Variants in APP observed in about 807,000 individuals in gnomAD.
APP encodes amyloid beta precursor protein, also known as amyloid-beta precursor protein.
APP carries 31 observed loss-of-function variants against 101.4 expected under a neutral mutation model. That is an observed-to-expected ratio of 0.31 (90% CI 0.23 to 0.41). The LOEUF (loss-of-function observed/expected upper bound fraction) is 0.41. Ranked by LOEUF, APP falls within the 10% of genes least tolerant of loss-of-function variation. The pLI is 1.00. For synonymous variants in APP, 366 were observed against 364.4 expected, an observed-to-expected ratio of 1.00 and a Z score of -0.05; for missense variants, 839 against 1,003.7, an observed-to-expected ratio of 0.84 and a Z score of 2.22.
Position 26,111,972 on chromosome 21 carries a change from G to C in APP, c.225+7C>G. On this transcript the variant is annotated splice_region_variant and intron_variant, in intron 2 of 17. Transcript: ENST00000346798. Reference sequence around the variant, plus strand: ...ACGTGAATTGCTAGCCACCGGACAGGACTTACTTCTTGGCAATACTGCAGG... The same window carrying C: ...ACGTGAATTGCTAGCCACCGGACAGCACTTACTTCTTGGCAATACTGCAGG... The C allele has an allele frequency of 6.2e-7, 1 of 1,613,982 alleles. No individual in the cohort carries two copies. Among genetic ancestry groups the C allele is most frequent in the Non-Finnish European group, 8.5e-7 (1 of 1,179,946 alleles).
intron 17 of APP, among the ~76,000 whole-genome samples, chr21:25,890,875 A>T (rs990803128): frequency 2.0e-5 from 3 of 152,158 alleles, no homozygotes; most frequent in Admixed American, 6.5e-5. Context: ...TAAATCTTTC[A>T]GCTCTAAAAA....
rs150663715 is a variant in APP at position 26,091,326 on chromosome 21, A to T, written c.226-1254T>A. On this transcript the variant is annotated intron_variant, in intron 2 of 17. Coordinates refer to ENST00000346798, the MANE Select transcript of APP (RefSeq NM_000484.4). ...AGGGGCTAAAGAATGTATGGCGCAC[A>T]GGACTGGAGAAAGTGAGGTGGTAAT... Among the ~76,000 whole-genome samples, 320 of 152,330 alleles carry T rather than the reference A, an allele frequency of 2.1e-3. 3 individuals carry two copies. The highest frequency in any genetic ancestry group is 7.4e-3 in the African/African-American group (309 of 41,576).
chr21:25,997,701 C>T (rs1330892247), intron 7 of APP, among the ~76,000 whole-genome samples: 4 of 152,116 alleles, frequency 2.6e-5, no homozygotes, highest in Non-Finnish European at 4.4e-5. Flanking sequence ...CAAATATCCC[C>T]AATTCCCTTC....
chr21:26,125,680 G>A lies in APP; in HGVS notation c.58-13534C>T, dbSNP rs144200757. Among the ~76,000 whole-genome samples, 38 of 151,982 alleles carry A rather than the reference G, an allele frequency of 2.5e-4. No individual in the cohort carries two copies. The East Asian group carries it at 6.6e-3, about 26-fold the overall frequency. On this transcript the variant is annotated intron_variant, in intron 1 of 17. Coordinates refer to ENST00000346798, the MANE Select transcript of APP (RefSeq NM_000484.4). ...AATGTGAGTTTGTCCTGACGGGGGT[G>A]GGGGAGAAAAAGAAGGAAAACAATC...
At chr21:26,005,904 T>A (rs1366921128) in intron 6 of APP, among the ~76,000 whole-genome samples, 1 of 152,166 alleles carries the variant, frequency 6.6e-6, no homozygotes, top group Non-Finnish European at 1.5e-5. Flanking sequence ...CCTGTGAAAA[T>A]TAAAACCGTA....
intron 11 of APP, among the ~76,000 whole-genome samples, chr21:25,972,805 ATGT>A (rs1029188585): frequency 6.6e-6 from 1 of 151,522 alleles, no homozygotes; most frequent in Admixed American, 6.7e-5. Context: ...ATGGGTAAAC[ATGT>A]TGTTTTTTTT....
At chr21:26,134,398 T>G (rs1330923736) in intron 1 of APP, among the ~76,000 whole-genome samples, 1 of 152,158 alleles carries the variant, frequency 6.6e-6, no homozygotes, top group East Asian at 1.9e-4. Flanking sequence ...GACCCCTTAC[T>G]TCGTTTTGAT....
At chr21:26,043,870 A>AAT (rs10682139) in intron 5 of APP, among the ~76,000 whole-genome samples, 152,275 of 152,278 alleles carry the variant, frequency 1, 76,136 homozygotes, top group Middle Eastern at 1. Flanking sequence ...AGAAAAAGAA[A>AAT]TTTAATCGAC....
At chr21:25,975,677 G>A (rs1334530389) in intron 10 of APP, among the ~76,000 whole-genome samples, 1 of 152,200 alleles carries the variant, frequency 6.6e-6, no homozygotes, top group Non-Finnish European at 1.5e-5. Context: ...AGCAGCAGAA[G>A]ATTGTGGTGA....
In APP at chr21:26,021,829, T is replaced by A; in HGVS notation, c.865+11A>T. 3 of 1,612,318 alleles carry A rather than the reference T, an allele frequency of 1.9e-6. No individual in the cohort carries two copies. The highest frequency in any genetic ancestry group is 1.7e-4 in the Middle Eastern group (1 of 6,034). ...TGGGGGTGGGGGGAATCCAAGCAAATGGTGGATTACCTCGAACCACCTCTT... is the reference window on the plus strand; with the variant it reads ...TGGGGGTGGGGGGAATCCAAGCAAAAGGTGGATTACCTCGAACCACCTCTT... On this transcript the variant is annotated intron_variant, in intron 6 of 17. Coordinates refer to ENST00000346798, the MANE Select transcript of APP (RefSeq NM_000484.4).
chr21:25,961,507 A>C (rs990947212), intron 11 of APP, among the ~76,000 whole-genome samples: 2 of 152,152 alleles, frequency 1.3e-5, no homozygotes, highest in African/African-American at 4.8e-5. Flanking sequence ...CCTCCTTTTG[A>C]TATATGATTC....
intron 2 of APP, among the ~76,000 whole-genome samples, chr21:26,092,480 G>A (rs2061845335): frequency 6.6e-6 from 1 of 152,140 alleles, no homozygotes; most frequent in African/African-American, 2.4e-5. Flanking sequence ...CAGAACTATG[G>A]AGACTAAAAA....
chr21:25,904,555 C>T (rs940324554), intron 15 of APP, among the ~76,000 whole-genome samples: 9 of 152,178 alleles, frequency 5.9e-5, no homozygotes, highest in African/African-American at 2.2e-4. Context: ...ATCATGTCTA[C>T]TTCAGTAACT....
In APP at chr21:25,955,665, T is replaced by G. The variant is rs1257288749; in HGVS notation, c.1549A>C (p.Met517Leu). 5.0e-6 allele frequency: 8 copies of G among 1,614,220 alleles called. No homozygotes were observed. The highest frequency in any genetic ancestry group is 1.1e-5 in the South Asian group (1 of 91,086). Residue 517 changes from methionine (M) to leucine (L), a missense_variant, in exon 12 of 18, where the codon ATG becomes CTG. Transcript: ENST00000346798. ...HTLKHFEHVR[M>L]VDPKKAAQIR... ...TGAGCGGCTTTCTTGGGATCCACCATGCGCACATGCTCGAAATGCTTTAGG... is the reference window on the plus strand; with the variant it reads ...TGAGCGGCTTTCTTGGGATCCACCAGGCGCACATGCTCGAAATGCTTTAGG...
At chr21:26,087,303 A>G (rs530505875) in intron 3 of APP, among the ~76,000 whole-genome samples, 15 of 152,366 alleles carry the variant, frequency 9.8e-5, no homozygotes, top group Non-Finnish European at 2.2e-4. Flanking sequence ...TTCAGGTCCA[A>G]TGGAAAAGGA....
At chr21:26,048,663 G>C (rs1214138914) in intron 5 of APP, among the ~76,000 whole-genome samples, 1 of 152,112 alleles carries the variant, frequency 6.6e-6, no homozygotes, top group African/African-American at 2.4e-5. Flanking sequence ...GATTCTAACA[G>C]ATAAAAAGAG....
chr21:26,133,267 TC>T (rs2062831095), intron 1 of APP, among the ~76,000 whole-genome samples: 1 of 152,156 alleles, frequency 6.6e-6, no homozygotes, highest in Non-Finnish European at 1.5e-5. Flanking sequence ...ATCTGACAGT[TC>T]CTGAGTAATC....
chr21:26,053,634 C>T (rs1053093630), intron 3 of APP: 34 of 326,094 alleles, frequency 1.0e-4, no homozygotes, highest in African/African-American at 7.0e-4. Context: ...CCTAAAAAAG[C>T]TGCTTAACTA....
chr21:26,004,917 C>T (rs1214089530), intron 6 of APP, among the ~76,000 whole-genome samples: 2 of 150,372 alleles, frequency 1.3e-5, no homozygotes, highest in Non-Finnish European at 2.9e-5. Context: ...GTTTTCTGTC[C>T]TTGTGATAGT....
Sources: gnomAD v4.1 joint callset for allele counts (sites outside exome capture counted in the v4.1 genomes callset) on GRCh38, gnomAD v4.1.1 for gene constraint, MANE v1.5 for transcripts, NCBI Gene and HGNC (gene_info 2026-07-23, HGNC 2026-07-21) for gene names.